Variants in PDHX observed in about 807,000 individuals in gnomAD.
The protein encoded by PDHX is pyruvate dehydrogenase protein X component, mitochondrial.
In PDHX, 33 loss-of-function variants were observed where a neutral mutation model predicts 55.3. The observed-to-expected ratio is 0.60, with a 90% CI of 0.45 to 0.80. The LOEUF (loss-of-function observed/expected upper bound fraction) is 0.80, where lower values mean the gene tolerates loss of function less well. Among genes scored for constraint, PDHX ranks in the 30% least tolerant of loss-of-function variants. The pLI is 0.00. For synonymous variants in PDHX, 226 were observed against 219.4 expected (o/e 1.03, Z -0.27); for missense variants, 622 against 619.9 (o/e 1.00, Z -0.04).
At chr11:34,940,806 T>G (rs993445914) in intron 2 of PDHX, among the ~76,000 whole-genome samples, 19 of 152,230 alleles carry the variant, frequency 1.2e-4, no homozygotes, top group African/African-American at 3.4e-4. Context: ...AATAGAAGCA[T>G]GTAATGTTTG....
intron 10 of PDHX, among the ~76,000 whole-genome samples, chr11:34,993,242 T>C (rs7105901): frequency 0.047 from 7,153 of 152,104 alleles, 534 homozygotes; most frequent in African/African-American, 0.16. Flanking sequence ...TTTCACACTC[T>C]GTGACTTGCC....
intron 1 of PDHX, among the ~76,000 whole-genome samples, chr11:34,928,143 G>T (rs1050072056): frequency 6.6e-6 from 1 of 152,086 alleles, no homozygotes; most frequent in South Asian, 2.1e-4. Flanking sequence ...AATGTGAATT[G>T]TGTCGTGACA....
chr11:34,939,755 T>C (rs925983007), intron 2 of PDHX, among the ~76,000 whole-genome samples: 1 of 152,212 alleles, frequency 6.6e-6, no homozygotes, highest in African/African-American at 2.4e-5. Context: ...TCCGTCTTTG[T>C]TGAACTCATG....
chr11:34,916,960 C>G, intron 1 of PDHX, 145 bp downstream of exon 1: 1 of 852,792 alleles, frequency 1.2e-6, no homozygotes, highest in Non-Finnish European at 1.9e-6. Flanking sequence ...TGGGGTCCGC[C>G]GACTTGGCCT....
Position 34,931,812 on chromosome 11 carries a change from TTGTGTGTGTGTGTGTGTG to T in PDHX, c.241+350_241+367del, listed in dbSNP as rs35425265. ...TCCTTAATTTATAACTTTATCATGA[TTGTGTGTGTGTGTGTGTG>T]TGTGTGTGTGTGTGTGTGTGTTCTG... On this transcript the variant is annotated intron_variant, in intron 2 of 10. Transcript: ENST00000227868. 4.0e-4 allele frequency among the ~76,000 whole-genome samples: 58 copies of T among 146,180 alleles called. No individual in the cohort carries two copies. The South Asian group carries it at 0.011, about 27-fold the overall frequency.
At chr11:34,985,032 A>G (rs1282803062) in intron 9 of PDHX, among the ~76,000 whole-genome samples, 1 of 152,238 alleles carries the variant, frequency 6.6e-6, no homozygotes, top group Non-Finnish European at 1.5e-5. Flanking sequence ...TAAAGATGCT[A>G]TATCAGGTAG....
intron 3 of PDHX, among the ~76,000 whole-genome samples, chr11:34,950,007 A>G (rs1156819001): frequency 6.6e-6 from 1 of 152,172 alleles, no homozygotes; most frequent in Non-Finnish European, 1.5e-5. Flanking sequence ...TAGCAGAATA[A>G]TTATTCTCGG....
intron 2 of PDHX, among the ~76,000 whole-genome samples, chr11:34,935,804 T>C (rs7931814): frequency 0.19 from 28,802 of 152,152 alleles, 3,898 homozygotes; most frequent in African/African-American, 0.39. Flanking sequence ...AAGTAGAGAA[T>C]GAATAACATG....
intron 9 of PDHX, among the ~76,000 whole-genome samples, chr11:34,985,778 G>C (rs1448851548): frequency 6.6e-6 from 1 of 152,206 alleles, no homozygotes; most frequent in African/African-American, 2.4e-5. Flanking sequence ...TAGAACGTAA[G>C]ACTTCTTTGG....
At chr11:34,938,097 A>G (rs1238922582) in intron 2 of PDHX, among the ~76,000 whole-genome samples, 4 of 152,214 alleles carry the variant, frequency 2.6e-5, no homozygotes, top group Non-Finnish European at 5.9e-5. Context: ...CCAAACCTCA[A>G]GGGTGGGCTG....
intron 2 of PDHX, among the ~76,000 whole-genome samples, chr11:34,945,132 TG>T (rs1854591408): frequency 6.6e-6 from 1 of 152,152 alleles, no homozygotes; most frequent in Non-Finnish European, 1.5e-5. Flanking sequence ...CAAAAGTAAT[TG>T]GGGTTTTTGA....
Position 34,957,406 on chromosome 11 carries a change from T to A in PDHX, c.365T>A (p.Ile122Lys), listed in dbSNP as rs756159990. The part of the protein sequence containing the change: ...KIVVEEGSKN[I>K]RLGSLIGLIV... ...TAGGTTGAAGAAGGAAGTAAAAATA[T>A]ACGGCTAGGTTCACTAATTGGTTTG... The change falls in exon 4 of 11, where the codon ATA (isoleucine) becomes AAA (lysine). Residue 122 changes from isoleucine (I) to lysine (K), a missense_variant. Transcript: ENST00000227868. 5.6e-6 allele frequency: 9 copies of A among 1,610,226 alleles called. No individual in the cohort carries two copies. The highest frequency in any genetic ancestry group is 1.7e-4 in the Middle Eastern group (1 of 6,052).
intron 10 of PDHX, 63 bp from the exon 11 acceptor site, chr11:34,994,851 T>C: frequency 1.3e-6 from 2 of 1,588,434 alleles, no homozygotes; most frequent in Non-Finnish European, 1.7e-6. Flanking sequence ...AAATATGTGC[T>C]TCACGGAAAG....
intron 2 of PDHX, chr11:34,942,028 A>T (rs1242989823): frequency 2.0e-5 from 3 of 152,438 alleles, no homozygotes; most frequent in Non-Finnish European, 4.4e-5. Flanking sequence ...CTGAGAAGCC[A>T]TCTGTCATCT....
chr11:34,947,570 AG>A lies in PDHX; in HGVS notation c.307del (p.Asp103MetfsTer22). The A allele has an allele frequency of 6.2e-7, 1 of 1,613,042 alleles. No individual in the cohort carries two copies. Among genetic ancestry groups the A allele is most frequent in the Non-Finnish European group, 8.5e-7 (1 of 1,179,042 alleles). The part of the protein sequence containing the change: ...IETDKAVVTL[D>X]ASDDGILAKI... ...AGACTGACAAAGCTGTGGTTACCTT[AG>A]ATGCAAGTGATGATGGAATCTTGGC... On this transcript the variant is annotated frameshift_variant, in exon 3 of 11. Transcript: ENST00000227868. LOFTEE classifies it high-confidence loss of function.
chr11:34,991,775 C>T (rs1249191938), intron 9 of PDHX, among the ~76,000 whole-genome samples: 5 of 151,542 alleles, frequency 3.3e-5, no homozygotes, highest in African/African-American at 1.2e-4. Context: ...CTGGGCGTGG[C>T]GGTGGGTGCC....
chr11:34,916,263 C>A (rs747005576), upstream of PDHX: 6 of 1,612,582 alleles, frequency 3.7e-6, no homozygotes, highest in Non-Finnish European at 5.1e-6. Context: ...CAGTCTCCCT[C>A]CCGAGCATCA....
intron 5 of PDHX, among the ~76,000 whole-genome samples, chr11:34,962,343 G>A (rs74473478): frequency 0.016 from 2,478 of 152,328 alleles, 64 homozygotes; most frequent in African/African-American, 0.057. Context: ...AAGTCCAGAA[G>A]CCTTTGCAGA....
chr11:34,990,170 T>TA (rs1488710112), intron 9 of PDHX, among the ~76,000 whole-genome samples: 6 of 152,186 alleles, frequency 3.9e-5, no homozygotes, highest in Non-Finnish European at 8.8e-5. Context: ...CTTCATTACT[T>TA]ATAACAGTAT....
Sources: gnomAD v4.1 joint callset for allele counts (sites outside exome capture counted in the v4.1 genomes callset) on GRCh38, gnomAD v4.1.1 for gene constraint, MANE v1.5 for transcripts, NCBI Gene and HGNC (gene_info 2026-07-23, HGNC 2026-07-21) for gene names.